Variants in BICD1 observed in about 807,000 individuals in gnomAD.
BICD1 encodes BICD cargo adaptor 1, also known as protein bicaudal D homolog 1.
A neutral mutation model predicts 92.5 loss-of-function variants in BICD1; 35 were observed. The ratio of observed to expected loss-of-function variants is 0.38; its 90% confidence interval spans 0.29 to 0.50. The LOEUF is 0.50. BICD1 is among the 20% of genes least tolerant of loss of function. BICD1 has a pLI of 0.93. For synonymous variants in BICD1, 429 were observed against 465.1 expected (o/e 0.92, Z 1.00); for missense variants, 950 against 1,189.8 (o/e 0.80, Z 2.97).
chr12:32,108,549 C>A, intron 1 of BICD1: 1 of 606,312 alleles, frequency 1.6e-6, no homozygotes. Flanking sequence ...TTCTGTGTGT[C>A]AAGTCCTTAT....
chr12:32,129,814 AT>A (rs1240529964), intron 1 of BICD1, among the ~76,000 whole-genome samples: 1 of 152,196 alleles, frequency 6.6e-6, no homozygotes, highest in Admixed American at 6.5e-5. Context: ...TGTTAAAAAA[AT>A]GAATTCTACT....
intron 2 of BICD1, among the ~76,000 whole-genome samples, chr12:32,239,762 C>T (rs1339611393): frequency 6.6e-6 from 1 of 151,572 alleles, no homozygotes; most frequent in Non-Finnish European, 1.5e-5. Flanking sequence ...GCATGCACCA[C>T]CACACCCGGC....
intron 8 of BICD1, among the ~76,000 whole-genome samples, chr12:32,342,165 T>C (rs1025197812): frequency 3.9e-4 from 55 of 139,464 alleles, no homozygotes; most frequent in Non-Finnish European, 6.4e-4. Flanking sequence ...TGTATATATA[T>C]GTATATATAT....
At chr12:32,353,802 T>A (rs1029911492) in intron 8 of BICD1, 7 of 152,226 alleles carry the variant, frequency 4.6e-5, no homozygotes, top group African/African-American at 1.7e-4. Flanking sequence ...TGTTATTGAC[T>A]TTGCTTAACA....
chr12:32,138,723 GTAAGCTGTATTT>G (rs1280071943), intron 1 of BICD1, among the ~76,000 whole-genome samples: 23 of 152,294 alleles, frequency 1.5e-4, no homozygotes, highest in African/African-American at 5.1e-4. Context: ...GTGAGGCTAA[GTAAGCTGTATTT>G]GATAGGTTAG....
rs188004660 is a variant in BICD1, at chr12:32,191,878, C to T, written c.214-24369C>T. On this transcript the variant is annotated intron_variant, in intron 1 of 9. Transcript: ENST00000652176. Reference sequence around the variant, plus strand: ...TGCTACTGTTCTGACTGGCCTTTCCCTCTCATTGAGCCTCCCTATTCCCTG... The same window carrying T: ...TGCTACTGTTCTGACTGGCCTTTCCTTCTCATTGAGCCTCCCTATTCCCTG... Among the ~76,000 whole-genome samples, 177 of 151,948 alleles carry T rather than the reference C, an allele frequency of 1.2e-3. 1 individual carries two copies. The highest frequency in any genetic ancestry group is 4.2e-3 in the African/African-American group (176 of 41,446).
chr12:32,325,561 A>AGT (rs1948755084), intron 4 of BICD1, among the ~76,000 whole-genome samples: 4 of 152,206 alleles, frequency 2.6e-5, no homozygotes, highest in Non-Finnish European at 4.4e-5. Flanking sequence ...ATGAAAGTTA[A>AGT]ATGAGGGGCA....
chr12:32,193,147 C>T (rs1431285764), intron 1 of BICD1, among the ~76,000 whole-genome samples: 4 of 152,216 alleles, frequency 2.6e-5, no homozygotes, highest in Non-Finnish European at 2.9e-5. Flanking sequence ...AAATCTTTCA[C>T]GAAAGGAACA....
chr12:32,339,338 T>C, intron 8 of BICD1: 2 of 1,001,256 alleles, frequency 2.0e-6, no homozygotes, highest in South Asian at 4.6e-5. Context: ...TCTCTTATCG[T>C]TTTTAATGTA....
chr12:32,289,875 G>A (rs1947681206), intron 2 of BICD1, among the ~76,000 whole-genome samples: 1 of 152,192 alleles, frequency 6.6e-6, no homozygotes, highest in African/African-American at 2.4e-5. Context: ...GAAGCCTTTG[G>A]TAAGGTTCTT....
intron 2 of BICD1, among the ~76,000 whole-genome samples, chr12:32,247,134 G>A (rs1946409095): frequency 6.6e-6 from 1 of 151,596 alleles, no homozygotes; most frequent in Non-Finnish European, 1.5e-5. Flanking sequence ...GTGTGTGCCT[G>A]TAGTCCCAGC....
intron 2 of BICD1, among the ~76,000 whole-genome samples, chr12:32,224,385 G>C (rs1364125196): frequency 6.6e-6 from 1 of 152,216 alleles, no homozygotes; most frequent in African/African-American, 2.4e-5. Context: ...ATGAAGCTTA[G>C]CACTTTACTA....
chr12:32,109,027 C>T (rs1941595000), intron 1 of BICD1: 1 of 182,258 alleles, frequency 5.5e-6, no homozygotes, highest in African/African-American at 2.3e-5. Flanking sequence ...ACTGCTTTGC[C>T]AAGATAGGGA....
intron 2 of BICD1, among the ~76,000 whole-genome samples, chr12:32,265,394 C>T (rs2136134690): frequency 6.6e-6 from 1 of 152,082 alleles, no homozygotes; most frequent in Non-Finnish European, 1.5e-5. Flanking sequence ...ACTTTCACAT[C>T]AATTCAGTTG....
chr12:32,353,196 C>T (rs535663298), intron 8 of BICD1: 3 of 152,174 alleles, frequency 2.0e-5, no homozygotes, highest in South Asian at 4.1e-4. Flanking sequence ...GAATCAAATA[C>T]TTTTACATTA....
intron 2 of BICD1, among the ~76,000 whole-genome samples, chr12:32,244,863 G>A (rs1315080674): frequency 6.6e-6 from 1 of 152,060 alleles, no homozygotes; most frequent in Non-Finnish European, 1.5e-5. Context: ...TCTTAATCTC[G>A]TGATCTGCCT....
chr12:32,178,269 AAC>A, intron 1 of BICD1, among the ~76,000 whole-genome samples: 1 of 152,092 alleles, frequency 6.6e-6, no homozygotes, highest in African/African-American at 2.4e-5. Context: ...ATCACCGTTG[AAC>A]ACAGTCCATA....
chr12:32,338,051 T>C (rs1197021108), intron 7 of BICD1: 2 of 464,070 alleles, frequency 4.3e-6, no homozygotes, highest in South Asian at 3.3e-5. Context: ...TTAATCGTAA[T>C]ATAATTTTCA....
chr12:32,248,100 A>C (rs963058363), intron 2 of BICD1, among the ~76,000 whole-genome samples: 1 of 152,184 alleles, frequency 6.6e-6, no homozygotes, highest in Non-Finnish European at 1.5e-5. Context: ...AACAAACAAA[A>C]AAAACAAAAA....
Sources: gnomAD v4.1 joint callset for allele counts (sites outside exome capture counted in the v4.1 genomes callset) on GRCh38, gnomAD v4.1.1 for gene constraint, MANE v1.5 for transcripts, NCBI Gene and HGNC (gene_info 2026-07-23, HGNC 2026-07-21) for gene names.